Variants in CDH9 observed in about 807,000 individuals in gnomAD.
CDH9 encodes cadherin 9.
Under a neutral mutation model 70.9 loss-of-function variants are expected in CDH9, and 28 were observed. The ratio of observed to expected loss-of-function variants is 0.40; its 90% CI spans 0.29 to 0.54. The LOEUF is 0.54. CDH9 is among the 20% of genes least tolerant of loss of function. CDH9 has a pLI of 0.59. For missense variants in CDH9, 874 were observed against 984.4 expected, an observed-to-expected ratio of 0.89 and a Z score of 1.50; for synonymous variants, 409 against 343.1, an observed-to-expected ratio of 1.19 and a Z score of -2.12.
intron 2 of CDH9, among the ~76,000 whole-genome samples, chr5:26,958,166 A>G (rs898370500): frequency 1.3e-5 from 2 of 152,188 alleles, no homozygotes. Context: ...GCTGTTAAGT[A>G]CATGTGAATC....
intron 2 of CDH9, among the ~76,000 whole-genome samples, chr5:26,967,602 A>G (rs1742150752): frequency 6.6e-6 from 1 of 152,166 alleles, no homozygotes; most frequent in Admixed American, 6.5e-5. Flanking sequence ...TATAGCAATA[A>G]GCCACACAAA....
At chr5:26,902,957 C>T (rs1401538892) in intron 6 of CDH9, 28 of 407,154 alleles carry the variant, frequency 6.9e-5, no homozygotes, top group South Asian at 4.2e-5. Context: ...GATTGATTCT[C>T]ACTTAGTAAT....
At chr5:26,935,419 C>A (rs1349198469) in intron 2 of CDH9, among the ~76,000 whole-genome samples, 2 of 152,100 alleles carry the variant, frequency 1.3e-5, no homozygotes, top group African/African-American at 4.8e-5. Flanking sequence ...ATAATAAGTA[C>A]ACAGATTGTG....
At chr5:26,947,371 G>T (rs7702221) in intron 2 of CDH9, among the ~76,000 whole-genome samples, 19,011 of 152,040 alleles carry the variant, frequency 0.13, 3,977 homozygotes, top group African/African-American at 0.44. Context: ...GAGGGTGGTG[G>T]CCCAAGCAGT....
chr5:26,925,916 A>T (rs1741328398), intron 2 of CDH9, among the ~76,000 whole-genome samples: 1 of 152,118 alleles, frequency 6.6e-6, no homozygotes, highest in African/African-American at 2.4e-5. Flanking sequence ...AACTCTCCAT[A>T]AACTAGGTAT....
chr5:26,918,829 A>G (rs532048657), intron 2 of CDH9, among the ~76,000 whole-genome samples: 4 of 152,268 alleles, frequency 2.6e-5, no homozygotes, highest in Admixed American at 2.6e-4. Flanking sequence ...AAACTATACC[A>G]TGGTTCTCCT....
At chr5:27,035,703 TGTGTGTGG>T (rs1189936264) in intron 1 of CDH9, among the ~76,000 whole-genome samples, 53 of 132,680 alleles carry the variant, frequency 4.0e-4, no homozygotes, top group African/African-American at 1.3e-3. Flanking sequence ...TGTGTGTGTG[TGTGTGTGG>T]GTGTGTGTGG....
At chr5:26,892,841 C>T (rs939193503) in intron 7 of CDH9, among the ~76,000 whole-genome samples, 3 of 152,138 alleles carry the variant, frequency 2.0e-5, no homozygotes, top group Admixed American at 6.5e-5. Context: ...CGCCATTCTC[C>T]TGCCTCAGCC....
chr5:26,910,782 G>T (rs921797628), intron 3 of CDH9, among the ~76,000 whole-genome samples: 11 of 152,120 alleles, frequency 7.2e-5, no homozygotes, highest in African/African-American at 2.7e-4. Flanking sequence ...AACGAGTTTA[G>T]TCTTCACACC....
intron 2 of CDH9, among the ~76,000 whole-genome samples, chr5:26,967,715 T>C (rs1168917284): frequency 6.6e-6 from 1 of 152,142 alleles, no homozygotes; most frequent in Non-Finnish European, 1.5e-5. Flanking sequence ...CACCTTTTTT[T>C]TTCAATGCTA....
intron 1 of CDH9, among the ~76,000 whole-genome samples, chr5:27,010,744 T>A (rs1742941771): frequency 6.6e-6 from 1 of 152,120 alleles, no homozygotes; most frequent in South Asian, 2.1e-4. Flanking sequence ...TGCTGCAAAT[T>A]TCATACATAC....
At chr5:26,925,110 C>T (rs1011541038) in intron 2 of CDH9, among the ~76,000 whole-genome samples, 3 of 152,070 alleles carry the variant, frequency 2.0e-5, no homozygotes, top group Admixed American at 1.3e-4. Flanking sequence ...AGTTCTAGAT[C>T]GTTGAGGAAT....
At chr5:26,895,074 T>C (rs888090329) in intron 7 of CDH9, among the ~76,000 whole-genome samples, 3 of 152,064 alleles carry the variant, frequency 2.0e-5, no homozygotes, top group African/African-American at 7.2e-5. Flanking sequence ...AAATGAGTAA[T>C]ATGCAGAAAT....
chr5:26,905,902 C>T (rs917727649), intron 5 of CDH9, 57 bp downstream of exon 5: 9 of 1,283,268 alleles, frequency 7.0e-6, no homozygotes, highest in South Asian at 1.2e-5. Context: ...ATATTAAACT[C>T]GGCTACTAGT....
At chr5:26,933,776 CAAAAT>C (rs35458909) in intron 2 of CDH9, among the ~76,000 whole-genome samples, 16,014 of 147,122 alleles carry the variant, frequency 0.11, 1,185 homozygotes, top group African/African-American at 0.22. Context: ...AAGACTCCGT[CAAAAT>C]AAAATAAAAT....
chr5:26,939,674 AG>A (rs1398928177), intron 2 of CDH9, among the ~76,000 whole-genome samples: 2 of 152,120 alleles, frequency 1.3e-5, no homozygotes, highest in Admixed American at 6.6e-5. Context: ...ATCCTAATGC[AG>A]TTTTTTTCTA....
intron 1 of CDH9, among the ~76,000 whole-genome samples, chr5:27,030,454 G>T (rs1363761800): frequency 6.6e-6 from 1 of 151,310 alleles, no homozygotes; most frequent in Admixed American, 6.6e-5. Flanking sequence ...AAAGAGTGGG[G>T]TAGGGAATAA....
At chr5:26,908,831 C>T (rs1740995656) in intron 3 of CDH9, among the ~76,000 whole-genome samples, 1 of 151,872 alleles carries the variant, frequency 6.6e-6, no homozygotes. Context: ...TAGTCACTGA[C>T]AAAATATCAT....
intron 7 of CDH9, among the ~76,000 whole-genome samples, chr5:26,896,501 T>C: frequency 6.9e-6 from 1 of 145,954 alleles, no homozygotes; most frequent in South Asian, 2.3e-4. Context: ...TTTCATTTCA[T>C]TATAGAATAG....
Sources: allele counts gnomAD v4.1 joint callset (sites outside exome capture counted in the v4.1 genomes callset), GRCh38; gene constraint gnomAD v4.1.1; transcripts MANE v1.5; gene names NCBI Gene and HGNC (gene_info 2026-07-23, HGNC 2026-07-21).